TMEM272: variants seen among roughly 807,000 people sequenced by gnomAD.
TMEM272 encodes long intergenic non-protein coding RNA 282.
In TMEM272, 8 loss-of-function variants were observed where a neutral mutation model predicts 3.7. The observed-to-expected ratio is 2.17, with a 90% confidence interval of 1.27 to 3.91. The LOEUF is 3.91. Ranked by LOEUF, TMEM272 falls within the 30% of genes most tolerant of loss-of-function variation. The pLI, the probability that TMEM272 is intolerant of heterozygous loss-of-function variation, is 0.00. For missense variants in TMEM272, 166 were observed against 91.5 expected (o/e 1.81, Z -3.32); for synonymous variants, 63 against 39.8 (o/e 1.58, Z -2.20).
chr13:51,925,386 T>C, the TMEM272 span, among the ~76,000 whole-genome samples: 46 of 152,318 alleles, frequency 3.0e-4, no homozygotes, highest in Admixed American at 6.5e-4. Context: ...GCACTTTCCA[T>C]AGAAATTGAA....
At chr13:51,851,202 C>T in the TMEM272 span, among the ~76,000 whole-genome samples, 17 of 152,092 alleles carry the variant, frequency 1.1e-4, no homozygotes, top group African/African-American at 3.1e-4. Flanking sequence ...GGTGTGGTGG[C>T]GTGCACTGAT....
the TMEM272 span, among the ~76,000 whole-genome samples, chr13:51,892,684 C>T: frequency 6.6e-6 from 1 of 152,134 alleles, no homozygotes; most frequent in Non-Finnish European, 1.5e-5. Flanking sequence ...CTTCCATTTC[C>T]CATTCCCCAT....
At chr13:51,854,462 CT>C in the TMEM272 span, among the ~76,000 whole-genome samples, 1 of 152,204 alleles carries the variant, frequency 6.6e-6, no homozygotes, top group Non-Finnish European at 1.5e-5. Context: ...CCTTTTGCAT[CT>C]TTCTTCAAAA....
chr13:51,835,015 T>G (rs1956203068), intron 2 of TMEM272, among the ~76,000 whole-genome samples: 1 of 151,756 alleles, frequency 6.6e-6, no homozygotes, highest in African/African-American at 2.4e-5. Context: ...CCAGGAGAGC[T>G]CCAGAAAGCT....
chr13:51,822,178 C>T (rs970824435), intron 3 of TMEM272, 41 bp from the exon 4 acceptor site: 11 of 660,238 alleles, frequency 1.7e-5, no homozygotes, highest in East Asian at 1.6e-4. Flanking sequence ...GAAATACATT[C>T]GAGAGCACAA....
At chr13:51,909,357 G>C in the TMEM272 span, 1 of 873,270 alleles carries the variant, frequency 1.1e-6, no homozygotes, top group South Asian at 1.3e-5. Context: ...CAGCTCTTCA[G>C]TGGCATGGCT....
the TMEM272 span, among the ~76,000 whole-genome samples, chr13:51,907,474 CT>C: frequency 6.6e-6 from 1 of 152,198 alleles, no homozygotes; most frequent in African/African-American, 2.4e-5. Context: ...CTCTAGGCCA[CT>C]ATTCCTCTGC....
chr13:51,883,054 C>G, the TMEM272 span, among the ~76,000 whole-genome samples: 1 of 152,240 alleles, frequency 6.6e-6, no homozygotes, highest in Admixed American at 6.5e-5. Context: ...TAGACGAACA[C>G]AGTAGCACCT....
chr13:51,917,647 C>G, the TMEM272 span, among the ~76,000 whole-genome samples: 1 of 152,174 alleles, frequency 6.6e-6, no homozygotes, highest in Non-Finnish European at 1.5e-5. Flanking sequence ...GGGCTCTGCG[C>G]TAAAAGCAAT....
upstream of TMEM272, among the ~76,000 whole-genome samples, chr13:51,846,845 T>C (rs1332013432): frequency 6.6e-6 from 1 of 152,244 alleles, no homozygotes; most frequent in East Asian, 1.9e-4. Context: ...TACAGTAAGC[T>C]AAGGTTACTT....
chr13:51,928,155 A>T, the TMEM272 span, among the ~76,000 whole-genome samples: 1 of 151,978 alleles, frequency 6.6e-6, no homozygotes, highest in Admixed American at 6.6e-5. Context: ...TTTTAAAGGC[A>T]AACTTTTGTC....
At chr13:51,864,816 G>T in the TMEM272 span, among the ~76,000 whole-genome samples, 1 of 152,022 alleles carries the variant, frequency 6.6e-6, no homozygotes, top group African/African-American at 2.4e-5. Flanking sequence ...ATTCACCATC[G>T]TCTCTCACCT....
rs1430356633 is a variant in TMEM272 at position 51,814,017 on chromosome 13, C to T, written c.*2734G>A. 6.6e-6 allele frequency: 1 copy of T among 152,216 alleles called. No homozygotes were observed. The highest frequency in any genetic ancestry group is 6.5e-5 in the Admixed American group (1 of 15,284). 9.4% of individuals were successfully genotyped at this position (152,216 alleles called of 1,614,324 possible). Reference sequence around the variant, plus strand: ...AGCTCTTGGGCCAGTCTTAGATGGGCATTTTCATTCTCCAGGTATACACAG... The same window carrying T: ...AGCTCTTGGGCCAGTCTTAGATGGGTATTTTCATTCTCCAGGTATACACAG... On this transcript the variant is annotated 3_prime_UTR_variant, in exon 5 of 5. Coordinates refer to ENST00000629372, the MANE Select transcript of TMEM272 (RefSeq NM_001351003.2).
the TMEM272 span, among the ~76,000 whole-genome samples, chr13:51,888,399 G>A: frequency 6.6e-6 from 1 of 151,990 alleles, no homozygotes; most frequent in Non-Finnish European, 1.5e-5. Context: ...TCCCACCTCT[G>A]TAACCTCCCT....
At chr13:51,921,257 A>G in the TMEM272 span, 2 of 152,162 alleles carry the variant, frequency 1.3e-5, no homozygotes, top group South Asian at 4.1e-4. Flanking sequence ...AGACGTTCGG[A>G]TATCTAGCAG....
chr13:51,862,525 G>A, the TMEM272 span, among the ~76,000 whole-genome samples: 1 of 152,188 alleles, frequency 6.6e-6, no homozygotes, highest in African/African-American at 2.4e-5. Context: ...TCCTAACCCA[G>A]TAGACGCCCA....
At chr13:51,886,147 G>A in the TMEM272 span, among the ~76,000 whole-genome samples, 1 of 152,162 alleles carries the variant, frequency 6.6e-6, no homozygotes, top group Non-Finnish European at 1.5e-5. Flanking sequence ...GTTTGGGAAG[G>A]TGGTGTAGAG....
At chr13:51,891,533 A>C in the TMEM272 span, among the ~76,000 whole-genome samples, 1 of 152,348 alleles carries the variant, frequency 6.6e-6, no homozygotes, top group Non-Finnish European at 1.5e-5. Context: ...GAAAAGGTCC[A>C]GGGATTTCCA....
At chr13:51,913,758 A>G in the TMEM272 span, among the ~76,000 whole-genome samples, 463 of 152,330 alleles carry the variant, frequency 3.0e-3, 2 homozygotes, top group African/African-American at 0.011. Flanking sequence ...CCTGGAAAAG[A>G]TGTCTGCAGT....
Sources: allele counts gnomAD v4.1 joint callset (sites outside exome capture counted in the v4.1 genomes callset), GRCh38; gene constraint gnomAD v4.1.1; transcripts MANE v1.5; gene names NCBI Gene and HGNC (gene_info 2026-07-23, HGNC 2026-07-21).